Variants in FBXO22 observed in about 807,000 individuals in gnomAD.
FBXO22 encodes the protein F-box protein 22.
FBXO22 carries 13 observed loss-of-function variants against 37.2 expected under a neutral mutation model. The observed-to-expected ratio is 0.35, with a 90% CI of 0.23 to 0.56. The LOEUF is 0.56. Among genes scored for constraint, FBXO22 ranks in the 20% least tolerant of loss-of-function variants. The pLI, the probability that FBXO22 is intolerant of heterozygous loss-of-function variation, is 0.87. For missense variants in FBXO22, 446 were observed against 509.9 expected (o/e 0.87, Z 1.21); for synonymous variants, 189 against 189.1 (o/e 1.00, Z 0.00).
At chr15:75,919,520 T>A (rs1008608439) in intron 5 of FBXO22, among the ~76,000 whole-genome samples, 2 of 152,246 alleles carry the variant, frequency 1.3e-5, no homozygotes, top group Admixed American at 6.5e-5. Context: ...TTTCTGGCTC[T>A]CCAGTTAGGG....
chr15:75,935,044 C>T lies in FBXO22; in HGVS notation c.*1942C>T, dbSNP rs944692878. On this transcript the variant is annotated 3_prime_UTR_variant, in exon 7 of 7. Transcript: ENST00000308275. ...TATGAACAGTAAAATCATTTAGTCA[C>T]ATGGTTGTAACCTTAGTGCAAAGTA... 1.3e-5 allele frequency: 2 copies of T among 152,162 alleles called. No homozygotes were observed. The highest frequency in any genetic ancestry group is 2.4e-5 in the African/African-American group (1 of 41,434). 9.4% of individuals were successfully genotyped at this position (152,162 alleles called of 1,614,324 possible). A position where few individuals can be genotyped will look rare whatever the true frequency, so the allele number is the denominator to read the frequency against.
At chr15:75,922,600 T>C (rs985404581) in intron 5 of FBXO22, among the ~76,000 whole-genome samples, 2 of 152,114 alleles carry the variant, frequency 1.3e-5, no homozygotes, top group African/African-American at 4.8e-5. Context: ...AGGGAAGTCA[T>C]GGGAACAAAG....
intron 2 of FBXO22, among the ~76,000 whole-genome samples, chr15:75,907,733 TAAAA>T (rs907154576): frequency 4.2e-4 from 63 of 151,716 alleles, no homozygotes; most frequent in African/African-American, 1.2e-3. Flanking sequence ...CCGTCTCCAC[TAAAA>T]AAATATAAAT....
chr15:75,931,204 C>T (rs960908227), intron 6 of FBXO22, among the ~76,000 whole-genome samples: 1 of 152,146 alleles, frequency 6.6e-6, no homozygotes, highest in African/African-American at 2.4e-5. Context: ...AGACTTATAA[C>T]ATCTGAGGTG....
At position 75,941,111 on chromosome 15, in the gene FBXO22, A is replaced by T. The variant is rs562939723; in HGVS notation, c.*8009A>T. On this transcript the variant is annotated 3_prime_UTR_variant, in exon 7 of 7. Transcript: ENST00000308275. ...CAACAACAGTGTAAAAACCTGATTT[A>T]AAAAATGGCAAAGGATTTGGATAGA... The T allele has an allele frequency of 2.6e-5, 4 of 152,330 alleles. No homozygotes were observed. The South Asian group carries it at 8.3e-4, about 32-fold the overall frequency. 9.4% of individuals were successfully genotyped at this position (152,330 alleles called of 1,614,324 possible).
At chr15:75,920,005 T>C (rs1031436648) in intron 5 of FBXO22, among the ~76,000 whole-genome samples, 1 of 152,072 alleles carries the variant, frequency 6.6e-6, no homozygotes, top group Admixed American at 6.5e-5. Flanking sequence ...GGTATGTAAA[T>C]AGCAGAGTTA....
At chr15:75,904,657 T>C in intron 2 of FBXO22, 28 bp downstream of exon 2, 1 of 1,554,056 alleles carries the variant, frequency 6.4e-7, no homozygotes. Flanking sequence ...TCATGCACAG[T>C]CATTTGCAGG....
chr15:75,911,543 A>G (rs961081419), intron 2 of FBXO22, among the ~76,000 whole-genome samples: 2 of 152,150 alleles, frequency 1.3e-5, no homozygotes, highest in Admixed American at 6.5e-5. Flanking sequence ...ATGGGAGTTC[A>G]CTCATGATTT....
At position 75,922,733 on chromosome 15, in the gene FBXO22, T is replaced by C. The variant is rs373916662; in HGVS notation, c.628+5339T>C. Among the ~76,000 whole-genome samples the C allele has an allele frequency of 8.5e-5, 13 of 152,210 alleles. No homozygotes were observed. In the East Asian group the frequency reaches 2.3e-3, roughly 27 times the overall value. On this transcript the variant is annotated intron_variant, in intron 5 of 6. Transcript: ENST00000308275. ...GTGGCCCTCCTGTGTGGGGAGACAC[T>C]GGAAGCGGGAGACCACTTTAGAGTC...
intron 6 of FBXO22, chr15:75,930,585 C>A (rs1318047317): frequency 2.0e-6 from 2 of 985,482 alleles, no homozygotes; most frequent in Non-Finnish European, 2.4e-6. Context: ...AAGGCTTTTT[C>A]AAGCTTAAAA....
chr15:75,921,317 A>C (rs1464935381), intron 5 of FBXO22, among the ~76,000 whole-genome samples: 1 of 152,162 alleles, frequency 6.6e-6, no homozygotes, highest in Non-Finnish European at 1.5e-5. Context: ...CCTGTATACT[A>C]CTATATAGTT....
intron 5 of FBXO22, among the ~76,000 whole-genome samples, chr15:75,919,275 A>G (rs1442944785): frequency 6.6e-6 from 1 of 152,086 alleles, no homozygotes; most frequent in Non-Finnish European, 1.5e-5. Flanking sequence ...CCTGGCCCAT[A>G]TACTATATTC....
chr15:75,926,539 C>G (rs1257258504), intron 5 of FBXO22, among the ~76,000 whole-genome samples: 1 of 152,138 alleles, frequency 6.6e-6, no homozygotes, highest in East Asian at 1.9e-4. Flanking sequence ...AACCAACCCA[C>G]TAGAGAAGAT....
Position 75,918,659 on chromosome 15 carries a change from A to G in FBXO22, c.628+1265A>G, listed in dbSNP as rs573347262. Among the ~76,000 whole-genome samples the G allele has an allele frequency of 2.6e-5, 4 of 152,336 alleles. No individual in the cohort carries two copies. The South Asian group carries it at 8.3e-4, about 32-fold the overall frequency. ...AAAATGTGGTATACATACATAATGA[A>G]ATACTCTTCAGCCATAAAGGACATC... On this transcript the variant is annotated intron_variant, in intron 5 of 6. Transcript: ENST00000308275.
At position 75,940,923 on chromosome 15, in the gene FBXO22, A is replaced by G. The variant is rs1215511813; in HGVS notation, c.*7821A>G. ...GGATATGACACCAAATTCACAGACA[A>G]CGAAAGAAAAAATAGGCAAATTATA... On this transcript the variant is annotated 3_prime_UTR_variant, in exon 7 of 7. Transcript: ENST00000308275. The G allele has an allele frequency of 6.6e-6, 1 of 152,172 alleles. No homozygotes were observed. The highest frequency in any genetic ancestry group is 1.5e-5 in the Non-Finnish European group (1 of 67,994). The allele number at this position is 152,172 out of a possible 1,614,324, so 9.4% of individuals were successfully genotyped here.
At chr15:75,917,466 G>C (rs924755964) in intron 5 of FBXO22, 72 bp downstream of exon 5, 6 of 1,154,708 alleles carry the variant, frequency 5.2e-6, no homozygotes, top group Non-Finnish European at 7.3e-6. Context: ...ATTCTGGCTA[G>C]TTGGTGGATA....
Position 75,933,702 on chromosome 15 carries a change from A to G in FBXO22, c.*600A>G, listed in dbSNP as rs894639206. On this transcript the variant is annotated 3_prime_UTR_variant, in exon 7 of 7. Transcript: ENST00000308275. ...ATCAGTATTTTATTATAAGTAAAAGATTTTTCTTCTTTCCTTAAAAATATT... is the reference window on the plus strand; with the variant it reads ...ATCAGTATTTTATTATAAGTAAAAGGTTTTTCTTCTTTCCTTAAAAATATT... 4.1e-5 allele frequency: 12 copies of G among 291,560 alleles called. No individual in the cohort carries two copies. Among genetic ancestry groups the G allele is most frequent in the Middle Eastern group, 9.8e-4 (1 of 1,016 alleles). 18.1% of individuals were successfully genotyped at this position (291,560 alleles called of 1,614,324 possible). A position where few individuals can be genotyped will look rare whatever the true frequency, so the allele number is the denominator to read the frequency against.
In FBXO22 at chr15:75,941,334, A is replaced by G. The variant is rs528318503; in HGVS notation, c.*8232A>G. Reference sequence around the variant, plus strand: ...TGGAACTCTTATTACTGATGGAAATATAGTGGTATGCAGCTGCTGTAGAAA... The same window carrying G: ...TGGAACTCTTATTACTGATGGAAATGTAGTGGTATGCAGCTGCTGTAGAAA... On this transcript the variant is annotated 3_prime_UTR_variant, in exon 7 of 7. Transcript: ENST00000308275. The G allele has an allele frequency of 3.3e-5, 5 of 152,204 alleles. No individual in the cohort carries two copies. In the South Asian group the frequency reaches 1.0e-3, roughly 31 times the overall value. 9.4% of individuals were successfully genotyped at this position (152,204 alleles called of 1,614,324 possible). A position where few individuals can be genotyped will look rare whatever the true frequency, so the allele number is the denominator to read the frequency against.
At chr15:75,922,014 G>A (rs1218537631) in intron 5 of FBXO22, among the ~76,000 whole-genome samples, 1 of 151,714 alleles carries the variant, frequency 6.6e-6, no homozygotes, top group Non-Finnish European at 1.5e-5. Flanking sequence ...TTAATAAGTA[G>A]GAGGGGTAAC....
Sources: allele counts gnomAD v4.1 joint callset (sites outside exome capture counted in the v4.1 genomes callset), GRCh38; gene constraint gnomAD v4.1.1; transcripts MANE v1.5; gene names NCBI Gene and HGNC (gene_info 2026-07-23, HGNC 2026-07-21).